TPD52L1: variants seen among roughly 807,000 people sequenced by gnomAD.
TPD52L1 encodes TPD52 like 1.
In TPD52L1, 18 loss-of-function variants were observed where a neutral mutation model predicts 28.7. That is an observed-to-expected ratio of 0.63 (90% CI 0.43 to 0.93). TPD52L1 has a LOEUF of 0.93. Among genes scored for constraint, TPD52L1 ranks in the 40% least tolerant of loss-of-function variants. The probability of loss-of-function intolerance (pLI) is 0.00; values close to 1 mark genes in which losing one functional copy is unlikely to be tolerated. For missense variants in TPD52L1, 203 were observed against 254.8 expected (o/e 0.80, Z 1.39); for synonymous variants, 75 against 88.8 (o/e 0.84, Z 0.88).
intron 2 of TPD52L1, among the ~76,000 whole-genome samples, chr6:125,224,617 G>A (rs771134373): frequency 6.6e-6 from 1 of 152,002 alleles, no homozygotes; most frequent in Non-Finnish European, 1.5e-5. Flanking sequence ...TTAATCTTGG[G>A]TCTCTTAGCC....
rs753089730 is a variant in TPD52L1 at position 125,229,248 on chromosome 6, A to T, written c.266A>T (p.Asp89Val). ...CAGAACTTCAGCAAAAGCTGGCATG[A>T]CATGCAGACTACCACTGCGTAAGTA... is the stretch of plus-strand genomic sequence containing the variant. ...LKQNFSKSWH[D>V]MQTTTAYKKT... is the part of the protein sequence containing the mutation. The change falls in exon 3 of 7, where the codon GAC becomes GTC. Residue 89 changes from aspartate to valine, a missense_variant. Coordinates refer to ENST00000534000, the MANE Select transcript of TPD52L1 (RefSeq NM_003287.4). 6.2e-7 allele frequency: 1 copy of T among 1,613,326 alleles called. No homozygotes were observed. The highest frequency in any genetic ancestry group is 8.5e-7 in the Non-Finnish European group (1 of 1,179,644).
intron 1 of TPD52L1, among the ~76,000 whole-genome samples, chr6:125,173,304 A>C (rs142458849): frequency 1.8e-3 from 275 of 152,316 alleles, no homozygotes; most frequent in African/African-American, 6.4e-3. Context: ...TTCCGCTTTG[A>C]GTCAGGCACA....
intron 1 of TPD52L1, among the ~76,000 whole-genome samples, chr6:125,190,572 A>G (rs1582893423): frequency 6.6e-6 from 1 of 152,206 alleles, no homozygotes; most frequent in South Asian, 2.1e-4. Flanking sequence ...TATTATTATT[A>G]TATTGTAATA....
rs142183480 is a variant in TPD52L1 at position 125,220,442 on chromosome 6, A to C, written c.135+249A>C. 1.6e-3 allele frequency among the ~76,000 whole-genome samples: 242 copies of C among 152,336 alleles called. 1 individual carries two copies. Among genetic ancestry groups the C allele is most frequent in the African/African-American group, 5.7e-3 (238 of 41,578 alleles). ...TTAAGCAACAATAATAACCAGTTTT[A>C]AATATACACTTCTTATTCTTTTTAC... is the stretch of plus-strand genomic sequence containing the variant. On this transcript the variant is annotated intron_variant, in intron 2 of 6. Transcript: ENST00000534000.
At chr6:125,246,261 G>A (rs1428100625) in intron 3 of TPD52L1, among the ~76,000 whole-genome samples, 2 of 152,178 alleles carry the variant, frequency 1.3e-5, no homozygotes, top group Admixed American at 6.5e-5. Context: ...TTCAGAGGCA[G>A]TGGGTTCAGA....
chr6:125,153,871 G>T lies in TPD52L1; in HGVS notation c.-81G>T. 2 of 1,514,396 alleles carry T rather than the reference G, an allele frequency of 1.3e-6. No individual in the cohort carries two copies. Among genetic ancestry groups the T allele is most frequent in the Middle Eastern group, 3.6e-4 (2 of 5,604 alleles). 93.8% of individuals were successfully genotyped at this position (1,514,396 alleles called of 1,614,324 possible). Reference sequence around the variant, plus strand: ...GGGAGCGAGCGGCGGGGCCAGCTGCGTTCTGAGCCTGGGCGCAGCTGCCAT... The same window carrying T: ...GGGAGCGAGCGGCGGGGCCAGCTGCTTTCTGAGCCTGGGCGCAGCTGCCAT... On this transcript the variant is annotated 5_prime_UTR_variant, in exon 1 of 7. Coordinates refer to ENST00000534000, the MANE Select transcript of TPD52L1 (RefSeq NM_003287.4).
chr6:125,219,518 A>G (rs1217321495), intron 1 of TPD52L1, among the ~76,000 whole-genome samples: 1 of 152,212 alleles, frequency 6.6e-6, no homozygotes, highest in African/African-American at 2.4e-5. Flanking sequence ...TCAAGTTGCA[A>G]GCTGCTTTCC....
intron 5 of TPD52L1, 165 bp downstream of exon 5, chr6:125,253,920 G>C (rs1181897484): frequency 1.3e-6 from 1 of 792,866 alleles, no homozygotes; most frequent in Non-Finnish European, 2.3e-6. Flanking sequence ...CGTAGCTTGG[G>C]CTTTTGACCA....
intron 2 of TPD52L1, 125 bp downstream of exon 2, chr6:125,220,318 T>C: frequency 1.6e-6 from 1 of 643,200 alleles, no homozygotes; most frequent in Non-Finnish European, 2.6e-6. Context: ...ATAAAATTTA[T>C]AAATGAATAC....
In TPD52L1 at chr6:125,229,245, A is replaced by G; in HGVS notation, c.263A>G (p.His88Arg). 6.2e-7 allele frequency: 1 copy of G among 1,613,424 alleles called. No homozygotes were observed. Among genetic ancestry groups the G allele is most frequent in the East Asian group, 2.2e-5 (1 of 44,806 alleles). ...ELKQNFSKSW[H>R]DMQTTTAYKK... ...AAACAGAACTTCAGCAAAAGCTGGC[A>G]TGACATGCAGACTACCACTGCGTAA... is the stretch of plus-strand genomic sequence containing the variant. The change falls in exon 3 of 7, where the codon CAT becomes CGT. Residue 88 changes from histidine (H) to arginine (R), a missense_variant. Physicochemically the swap from His to Arg is conservative, Grantham distance 29. Coordinates refer to ENST00000534000, the MANE Select transcript of TPD52L1 (RefSeq NM_003287.4).
chr6:125,231,303 G>C (rs1435034996), intron 3 of TPD52L1: 1 of 152,296 alleles, frequency 6.6e-6, no homozygotes, highest in Non-Finnish European at 1.5e-5. Context: ...AGAGGTGCCT[G>C]GCAGGGAGGT....
intron 1 of TPD52L1, among the ~76,000 whole-genome samples, chr6:125,201,562 G>C (rs552118300): frequency 3.9e-5 from 6 of 152,182 alleles, no homozygotes; most frequent in Admixed American, 1.3e-4. Flanking sequence ...CCAATCAGGT[G>C]TCACAGTGCA....
At chr6:125,214,110 C>CTA (rs1562297870) in intron 1 of TPD52L1, among the ~76,000 whole-genome samples, 4 of 152,166 alleles carry the variant, frequency 2.6e-5, no homozygotes, top group Non-Finnish European at 4.4e-5. Flanking sequence ...CAAGATGCAG[C>CTA]CTGGCAGGGA....
At chr6:125,183,884 C>A (rs1211664891) in intron 1 of TPD52L1, among the ~76,000 whole-genome samples, 2 of 152,074 alleles carry the variant, frequency 1.3e-5, no homozygotes, top group Admixed American at 1.3e-4. Flanking sequence ...AATATAGATT[C>A]TTGATACAGA....
chr6:125,190,410 T>C (rs1026170732), intron 1 of TPD52L1, among the ~76,000 whole-genome samples: 11 of 152,202 alleles, frequency 7.2e-5, no homozygotes, highest in African/African-American at 2.4e-4. Context: ...CTCAGAGCCA[T>C]GAAGACTGTC....
At chr6:125,230,584 C>G (rs1014230702) in intron 3 of TPD52L1, among the ~76,000 whole-genome samples, 1 of 152,126 alleles carries the variant, frequency 6.6e-6, no homozygotes, top group Admixed American at 6.5e-5. Context: ...TTGCCAGCAG[C>G]CAAATTTGCC....
intron 2 of TPD52L1, among the ~76,000 whole-genome samples, chr6:125,228,642 A>G (rs1795761648): frequency 6.6e-6 from 1 of 152,186 alleles, no homozygotes; most frequent in Admixed American, 6.5e-5. Flanking sequence ...AGAGTTTGAG[A>G]CCAGCCTGGT....
intron 1 of TPD52L1, among the ~76,000 whole-genome samples, chr6:125,204,041 T>C (rs967721328): frequency 6.6e-6 from 1 of 152,166 alleles, no homozygotes; most frequent in Non-Finnish European, 1.5e-5. Context: ...GTTTTCAACT[T>C]GTCAGGATGG....
chr6:125,253,564 A>G, intron 4 of TPD52L1, 153 bp from the exon 5 acceptor site: 1 of 700,754 alleles, frequency 1.4e-6, no homozygotes, highest in Non-Finnish European at 2.4e-6. Flanking sequence ...ATTATACCCA[A>G]CAAAAACAAA....
Sources: gnomAD v4.1 joint callset for allele counts (sites outside exome capture counted in the v4.1 genomes callset) on GRCh38, gnomAD v4.1.1 for gene constraint, MANE v1.5 for transcripts, NCBI Gene and HGNC (gene_info 2026-07-23, HGNC 2026-07-21) for gene names.